The following GPR39 variants were observed in gnomAD, a reference collection of about 807,000 sequenced individuals.
The protein encoded by GPR39 is G protein-coupled receptor 39.
GPR39 carries 23 observed loss-of-function variants against 18.4 expected under a neutral mutation model. That is an observed-to-expected ratio of 1.25 (90% CI 0.90 to 1.77). GPR39 has a LOEUF of 1.77. Ranked by LOEUF, GPR39 falls within the 40% of genes most tolerant of loss-of-function variation. GPR39 has a pLI of 0.00. For synonymous variants in GPR39, 280 were observed against 257.9 expected (o/e 1.09, Z -0.82); for missense variants, 647 against 602.4 (o/e 1.07, Z -0.78).
intron 1 of GPR39, among the ~76,000 whole-genome samples, chr2:132,623,097 GC>G (rs1358693365): frequency 6.6e-6 from 1 of 152,166 alleles, no homozygotes; most frequent in Admixed American, 6.5e-5. Context: ...GGGTGACAAA[GC>G]GAGACTCTGT....
chr2:132,568,396 T>C (rs1472073783), intron 1 of GPR39, among the ~76,000 whole-genome samples: 1 of 152,052 alleles, frequency 6.6e-6, no homozygotes, highest in Non-Finnish European at 1.5e-5. Flanking sequence ...GAGGTTTGCA[T>C]GATGCAATGT....
chr2:132,495,775 T>C (rs562632798), intron 1 of GPR39, among the ~76,000 whole-genome samples: 6 of 151,690 alleles, frequency 4.0e-5, no homozygotes, highest in Middle Eastern at 3.4e-3. Context: ...TCTCCTCTCC[T>C]TTCCTCTCTT....
chr2:132,465,806 A>C (rs1251988520), intron 1 of GPR39, among the ~76,000 whole-genome samples: 2 of 152,188 alleles, frequency 1.3e-5, no homozygotes, highest in East Asian at 3.9e-4. Flanking sequence ...AACCTCTCTG[A>C]TCCTTAACAT....
At chr2:132,427,929 T>A (rs1167458545) in intron 1 of GPR39, among the ~76,000 whole-genome samples, 1 of 145,440 alleles carries the variant, frequency 6.9e-6, no homozygotes, top group East Asian at 2.0e-4. Context: ...ATATATATAT[T>A]ATATATAGTT....
intron 1 of GPR39, among the ~76,000 whole-genome samples, chr2:132,522,894 C>T (rs1679449883): frequency 6.6e-6 from 1 of 152,236 alleles, no homozygotes; most frequent in African/African-American, 2.4e-5. Context: ...TGTGGACCTT[C>T]CTTAATGCCT....
At chr2:132,445,800 C>G (rs537485116) in intron 1 of GPR39, among the ~76,000 whole-genome samples, 38 of 152,252 alleles carry the variant, frequency 2.5e-4, no homozygotes, top group Admixed American at 1.0e-3. Flanking sequence ...TTAGGGTAAA[C>G]AGTAGACACT....
intron 1 of GPR39, among the ~76,000 whole-genome samples, chr2:132,627,983 G>A (rs938898711): frequency 2.0e-5 from 3 of 152,150 alleles, no homozygotes; most frequent in Admixed American, 1.3e-4. Flanking sequence ...CCAGGTGGAC[G>A]CATCCCAAAG....
intron 1 of GPR39, among the ~76,000 whole-genome samples, chr2:132,609,692 T>G (rs1681206945): frequency 6.6e-6 from 1 of 152,196 alleles, no homozygotes; most frequent in Admixed American, 6.5e-5. Context: ...AGTCCCCTTC[T>G]GGCTGGGGCC....
intron 1 of GPR39, among the ~76,000 whole-genome samples, chr2:132,492,381 C>A (rs897381050): frequency 7.5e-6 from 1 of 133,988 alleles, no homozygotes; most frequent in African/African-American, 2.8e-5. Flanking sequence ...TATATACATA[C>A]CATATATATA....
At chr2:132,464,907 T>A (rs1680900143) in intron 1 of GPR39, among the ~76,000 whole-genome samples, 1 of 152,142 alleles carries the variant, frequency 6.6e-6, no homozygotes, top group Non-Finnish European at 1.5e-5. Flanking sequence ...CCAGGGGGCA[T>A]GGGGCAATAC....
intron 1 of GPR39, among the ~76,000 whole-genome samples, chr2:132,593,822 G>A (rs185497142): frequency 1.3e-5 from 2 of 152,080 alleles, no homozygotes; most frequent in African/African-American, 4.8e-5. Context: ...ATTTGAGGCT[G>A]CAAGTCCTGA....
At chr2:132,549,463 C>A (rs1296797530) in intron 1 of GPR39, among the ~76,000 whole-genome samples, 1 of 152,192 alleles carries the variant, frequency 6.6e-6, no homozygotes, top group East Asian at 1.9e-4. Flanking sequence ...CCTTCACCCT[C>A]TCACTTTGAC....
In GPR39 at chr2:132,636,383, A is replaced by G. The variant is rs187408643; in HGVS notation, c.857-8718A>G. Among the ~76,000 whole-genome samples, 66 of 152,224 alleles carry G rather than the reference A, an allele frequency of 4.3e-4. No individual in the cohort carries two copies. The East Asian group carries it at 0.013, about 29-fold the overall frequency. On this transcript the variant is annotated intron_variant, in intron 1 of 1. Transcript: ENST00000329321. ...ACAGGCTTTGGGGGCTGGTCCTCCC[A>G]GGGTCTGGGAGCCCACTCAGGGATC...
At chr2:132,515,869 C>T (rs902086929) in intron 1 of GPR39, among the ~76,000 whole-genome samples, 14 of 152,108 alleles carry the variant, frequency 9.2e-5, no homozygotes, top group Admixed American at 2.0e-4. Flanking sequence ...ACCTTTTGTC[C>T]TCTGATTGTA....
chr2:132,522,889 A>G (rs762412117), intron 1 of GPR39, among the ~76,000 whole-genome samples: 10 of 152,196 alleles, frequency 6.6e-5, no homozygotes, highest in Non-Finnish European at 1.2e-4. Flanking sequence ...ATTGATGTGG[A>G]CCTTCCTTAA....
At chr2:132,461,181 G>A (rs1680823889) in intron 1 of GPR39, among the ~76,000 whole-genome samples, 1 of 152,136 alleles carries the variant, frequency 6.6e-6, no homozygotes, top group East Asian at 1.9e-4. Context: ...AAAATGGGAT[G>A]CTAATAAATG....
chr2:132,504,812 G>A (rs933575771), intron 1 of GPR39, among the ~76,000 whole-genome samples: 2 of 152,148 alleles, frequency 1.3e-5, no homozygotes, highest in Admixed American at 1.3e-4. Context: ...TTCATTTGTT[G>A]AAATATTTAA....
intron 1 of GPR39, among the ~76,000 whole-genome samples, chr2:132,515,630 G>T (rs1214837412): frequency 6.6e-6 from 1 of 152,170 alleles, no homozygotes; most frequent in Non-Finnish European, 1.5e-5. Context: ...CTTCTCTCCT[G>T]AAGTGGGTCA....
chr2:132,632,719 A>G (rs114222405), intron 1 of GPR39, among the ~76,000 whole-genome samples: 107 of 152,244 alleles, frequency 7.0e-4, no homozygotes, highest in Middle Eastern at 3.4e-3. Context: ...AGCTTATTGT[A>G]AGGTTTAAAT....
Sources: gnomAD v4.1 joint callset for allele counts (sites outside exome capture counted in the v4.1 genomes callset) on GRCh38, gnomAD v4.1.1 for gene constraint, MANE v1.5 for transcripts, NCBI Gene and HGNC (gene_info 2026-07-23, HGNC 2026-07-21) for gene names.